The following SCMH1 variants were observed in gnomAD, a reference collection of about 807,000 sequenced individuals.
SCMH1 encodes the protein polycomb protein SCMH1.
A neutral mutation model predicts 70.8 loss-of-function variants in SCMH1; 37 were observed. That is an observed-to-expected ratio of 0.52 (90% confidence interval 0.40 to 0.69). The LOEUF is 0.69. Among genes scored for constraint, SCMH1 ranks in the 30% least tolerant of loss-of-function variants. The pLI is 0.00. For synonymous variants in SCMH1, 292 were observed against 307.4 expected (o/e 0.95, Z 0.52); for missense variants, 607 against 827.3 (o/e 0.73, Z 3.27).
chr1:41,130,216 T>A lies in SCMH1; in HGVS notation c.412+12662A>T, dbSNP rs1444063646. Among the ~76,000 whole-genome samples, 7 of 152,312 alleles carry A rather than the reference T, an allele frequency of 4.6e-5. No homozygotes were observed. In the South Asian group the frequency reaches 1.4e-3, roughly 32 times the overall value. On this transcript the variant is annotated intron_variant, in intron 6 of 14. Transcript: ENST00000337495. ...GTTTAGGAGTTTTTATTTTTAATTT[T>A]TTAAATATCATAAACCTTGAATAAC...
At chr1:41,134,052 G>A (rs1047532810) in intron 6 of SCMH1, among the ~76,000 whole-genome samples, 1 of 152,036 alleles carries the variant, frequency 6.6e-6, no homozygotes, top group Non-Finnish European at 1.5e-5. Flanking sequence ...CTGACAAACC[G>A]AATCCAGCAG....
intron 4 of SCMH1, among the ~76,000 whole-genome samples, chr1:41,156,831 A>T (rs190613743): frequency 6.6e-6 from 1 of 151,664 alleles, no homozygotes; most frequent in Admixed American, 6.6e-5. Flanking sequence ...TAGAAAGAAC[A>T]TACTGATTTT....
At chr1:41,109,397 T>C (rs1668727093) in intron 8 of SCMH1, among the ~76,000 whole-genome samples, 1 of 152,224 alleles carries the variant, frequency 6.6e-6, no homozygotes, top group South Asian at 2.1e-4. Context: ...GGAAATAGTA[T>C]GATTAGAAAG....
At chr1:41,163,620 T>C (rs1467379093) in intron 2 of SCMH1, among the ~76,000 whole-genome samples, 2 of 152,148 alleles carry the variant, frequency 1.3e-5, no homozygotes, top group African/African-American at 2.4e-5. Context: ...AGAGAAAATA[T>C]CATGTAATCA....
intron 8 of SCMH1, among the ~76,000 whole-genome samples, chr1:41,079,042 C>T (rs1188212509): frequency 6.6e-6 from 1 of 152,070 alleles, no homozygotes; most frequent in African/African-American, 2.4e-5. Flanking sequence ...GTAGTTAGAG[C>T]ACTTATTTAA....
chr1:41,159,829 C>A, intron 4 of SCMH1: 1 of 1,390,562 alleles, frequency 7.2e-7, no homozygotes, highest in Non-Finnish European at 9.4e-7. Context: ...TGAGTATAGC[C>A]GCTGAACAGA....
chr1:41,077,138 G>C (rs1430247166), intron 8 of SCMH1, among the ~76,000 whole-genome samples: 1 of 152,112 alleles, frequency 6.6e-6, no homozygotes, highest in East Asian at 1.9e-4. Flanking sequence ...AGACACCACA[G>C]AGCTGTCATG....
At chr1:41,044,607 G>A (rs897457352) in intron 12 of SCMH1, among the ~76,000 whole-genome samples, 1 of 152,276 alleles carries the variant, frequency 6.6e-6, no homozygotes, top group African/African-American at 2.4e-5. Context: ...GAGCACCCAC[G>A]ATGAGAAACA....
intron 8 of SCMH1, among the ~76,000 whole-genome samples, chr1:41,094,850 T>C (rs1056719332): frequency 1.3e-5 from 2 of 151,646 alleles, no homozygotes; most frequent in African/African-American, 4.9e-5. Flanking sequence ...GATTGCACCA[T>C]TGCACTCCAG....
intron 7 of SCMH1, among the ~76,000 whole-genome samples, chr1:41,115,573 G>A (rs60207546): frequency 0.016 from 2,399 of 152,206 alleles, 64 homozygotes; most frequent in African/African-American, 0.055. Flanking sequence ...AAGTAGCTGC[G>A]ACTACAGGCA....
intron 13 of SCMH1, among the ~76,000 whole-genome samples, chr1:41,035,812 A>T (rs1645217685): frequency 6.6e-6 from 1 of 151,872 alleles, no homozygotes; most frequent in African/African-American, 2.4e-5. Context: ...TTCTCATCAA[A>T]GTCCCCAGCA....
chr1:41,166,819 T>C (rs977379811), intron 2 of SCMH1, among the ~76,000 whole-genome samples: 1 of 152,084 alleles, frequency 6.6e-6, no homozygotes, highest in Non-Finnish European at 1.5e-5. Flanking sequence ...TCTTTCCTAT[T>C]TGGATGTCTT....
At chr1:41,052,841 C>A (rs1361277136) in intron 10 of SCMH1, among the ~76,000 whole-genome samples, 1 of 150,596 alleles carries the variant, frequency 6.6e-6, no homozygotes, top group Non-Finnish European at 1.5e-5. Flanking sequence ...AAGGGAACTT[C>A]GGGGGTGGCA....
At chr1:41,225,211 A>G (rs1331278075) in intron 1 of SCMH1, among the ~76,000 whole-genome samples, 1 of 152,218 alleles carries the variant, frequency 6.6e-6, no homozygotes, top group Non-Finnish European at 1.5e-5. Context: ...GCAAGTTCAC[A>G]CGAGAACCTG....
At chr1:41,227,586 G>A (rs1660513153) in intron 1 of SCMH1, among the ~76,000 whole-genome samples, 1 of 152,164 alleles carries the variant, frequency 6.6e-6, no homozygotes, top group South Asian at 2.1e-4. Context: ...AATGGTAGTT[G>A]CCAGGAACTG....
chr1:41,176,114 C>T (rs1647102763), intron 2 of SCMH1, among the ~76,000 whole-genome samples: 2 of 147,166 alleles, frequency 1.4e-5, no homozygotes, highest in South Asian at 4.2e-4. Context: ...TCAAAAGCAA[C>T]CAATGCAATT....
At chr1:41,230,224 G>A (rs1056072068) in intron 1 of SCMH1, among the ~76,000 whole-genome samples, 50 of 152,250 alleles carry the variant, frequency 3.3e-4, no homozygotes, top group African/African-American at 1.1e-3. Context: ...GCCATATAGG[G>A]GGTTGATATA....
intron 10 of SCMH1, among the ~76,000 whole-genome samples, chr1:41,061,358 T>C (rs1433697238): frequency 6.6e-6 from 1 of 152,160 alleles, no homozygotes; most frequent in Non-Finnish European, 1.5e-5. Flanking sequence ...TATAAAGACA[T>C]ATATAGATTA....
At chr1:41,233,771 A>G (rs1661766906) in intron 1 of SCMH1, among the ~76,000 whole-genome samples, 1 of 152,056 alleles carries the variant, frequency 6.6e-6, no homozygotes, top group Admixed American at 6.6e-5. Context: ...TTTGAAACTT[A>G]CCGTTGTTCT....
Sources: allele counts gnomAD v4.1 joint callset (sites outside exome capture counted in the v4.1 genomes callset), GRCh38; gene constraint gnomAD v4.1.1; transcripts MANE v1.5; gene names NCBI Gene and HGNC (gene_info 2026-07-23, HGNC 2026-07-21).